The following SYNPR variants were observed in gnomAD, a reference collection of about 807,000 sequenced individuals.
SYNPR encodes the protein synaptoporin.
In SYNPR, 23 loss-of-function variants were observed where a neutral mutation model predicts 32.9. The ratio of observed to expected loss-of-function variants is 0.70; its 90% CI spans 0.50 to 0.99. The LOEUF is 0.99. Ranked by LOEUF, SYNPR falls within the 50% of genes least tolerant of loss-of-function variation. SYNPR has a pLI of 0.00. For missense variants in SYNPR, 318 were observed against 349.3 expected, an observed-to-expected ratio of 0.91 and a Z score of 0.71; for synonymous variants, 146 against 135.9, an observed-to-expected ratio of 1.07 and a Z score of -0.52.
intron 4 of SYNPR, among the ~76,000 whole-genome samples, chr3:63,605,186 G>C (rs930550014): frequency 1.3e-5 from 2 of 152,200 alleles, no homozygotes; most frequent in East Asian, 3.9e-4. Context: ...AGGGGATAGA[G>C]AGAAAGGTGT....
chr3:63,341,012 A>G (rs1164320519), intron 2 of SYNPR, among the ~76,000 whole-genome samples: 1 of 152,104 alleles, frequency 6.6e-6, no homozygotes, highest in Non-Finnish European at 1.5e-5. Context: ...CCCCCTAAAA[A>G]TCCTCTATGC....
At chr3:63,595,749 AT>A (rs60861957) in intron 4 of SYNPR, among the ~76,000 whole-genome samples, 3,346 of 44,328 alleles carry the variant, frequency 0.075, 293 homozygotes, top group African/African-American at 0.13. Context: ...ATATATATAT[AT>A]ATATATATAT....
At chr3:63,253,662 A>C (rs2086356856) in intron 2 of SYNPR, among the ~76,000 whole-genome samples, 1 of 152,284 alleles carries the variant, frequency 6.6e-6, no homozygotes, top group Admixed American at 6.5e-5. Flanking sequence ...AAAAGTCAGG[A>C]AACTACAGGT....
intron 2 of SYNPR, among the ~76,000 whole-genome samples, chr3:63,473,448 C>T (rs560905288): frequency 1.3e-5 from 2 of 152,198 alleles, no homozygotes; most frequent in East Asian, 3.9e-4. Flanking sequence ...TAGGGAGCAC[C>T]AACTTCATGC....
At chr3:63,242,994 A>G (rs552487235) in intron 1 of SYNPR, among the ~76,000 whole-genome samples, 2 of 152,194 alleles carry the variant, frequency 1.3e-5, no homozygotes, top group African/African-American at 4.8e-5. Flanking sequence ...GGAAAAATGT[A>G]CATATTAGAA....
At chr3:63,355,711 C>CA (rs935937344) in intron 2 of SYNPR, among the ~76,000 whole-genome samples, 6 of 152,110 alleles carry the variant, frequency 3.9e-5, no homozygotes, top group Non-Finnish European at 7.4e-5. Context: ...CTGGCCCCCC[C>CA]AGCCAGTGCT....
intron 3 of SYNPR, among the ~76,000 whole-genome samples, chr3:63,514,967 G>A (rs1467554022): frequency 1.3e-5 from 2 of 152,084 alleles, no homozygotes; most frequent in East Asian, 1.9e-4. Context: ...CAGTAATCCT[G>A]AGTGGCAGGC....
intron 2 of SYNPR, 28 bp downstream of exon 2, chr3:63,278,770 G>A (rs1249087012): frequency 6.4e-7 from 1 of 1,550,662 alleles, no homozygotes; most frequent in South Asian, 1.2e-5. Context: ...TGCAGGGAGG[G>A]GCGCCAGGCA....
At chr3:63,544,708 T>C (rs1380385555) in intron 3 of SYNPR, among the ~76,000 whole-genome samples, 1 of 152,120 alleles carries the variant, frequency 6.6e-6, no homozygotes, top group African/African-American at 2.4e-5. Context: ...AAAATCTACT[T>C]TCTAAAAGAG....
At chr3:63,526,381 C>T (rs1702013892) in intron 3 of SYNPR, among the ~76,000 whole-genome samples, 2 of 152,190 alleles carry the variant, frequency 1.3e-5, no homozygotes, top group South Asian at 4.1e-4. Context: ...CACCTGTTCA[C>T]TTTGTTTTCC....
At chr3:63,486,141 T>A (rs1030476920) in intron 3 of SYNPR, among the ~76,000 whole-genome samples, 4 of 152,150 alleles carry the variant, frequency 2.6e-5, no homozygotes, top group African/African-American at 4.8e-5. Context: ...ACTCCTGACC[T>A]CAAGTGATCC....
intron 4 of SYNPR, among the ~76,000 whole-genome samples, chr3:63,561,952 C>T (rs757027913): frequency 6.6e-6 from 1 of 152,058 alleles, no homozygotes; most frequent in Non-Finnish European, 1.5e-5. Context: ...TTAGAAGTAA[C>T]ACAATTGTTA....
At chr3:63,431,396 G>A (rs1231115763) in intron 2 of SYNPR, among the ~76,000 whole-genome samples, 2 of 152,172 alleles carry the variant, frequency 1.3e-5, no homozygotes, top group African/African-American at 4.8e-5. Flanking sequence ...TCATTATTTA[G>A]ATTAGGTCTG....
intron 2 of SYNPR, among the ~76,000 whole-genome samples, chr3:63,351,004 C>T (rs1478025659): frequency 6.6e-6 from 1 of 152,188 alleles, no homozygotes; most frequent in Non-Finnish European, 1.5e-5. Context: ...ACTCTCTTGA[C>T]TGTGTGCCCC....
At chr3:63,383,061 G>A (rs1471391099) in intron 2 of SYNPR, among the ~76,000 whole-genome samples, 1 of 152,166 alleles carries the variant, frequency 6.6e-6, no homozygotes, top group Non-Finnish European at 1.5e-5. Context: ...TTCACACTAG[G>A]AGATGCGAAA....
intron 4 of SYNPR, among the ~76,000 whole-genome samples, chr3:63,592,163 T>C (rs966807944): frequency 3.6e-4 from 55 of 152,036 alleles, no homozygotes; most frequent in African/African-American, 1.3e-3. Flanking sequence ...AACCAAGCCA[T>C]GCCAAGGACT....
At chr3:63,243,424 C>T (rs866313750) in intron 1 of SYNPR, among the ~76,000 whole-genome samples, 2 of 152,002 alleles carry the variant, frequency 1.3e-5, no homozygotes, top group South Asian at 4.1e-4. Context: ...GTGGACAAGA[C>T]ATTATTGTAA....
At chr3:63,429,145 T>C (rs990776346) in intron 2 of SYNPR, among the ~76,000 whole-genome samples, 1 of 152,250 alleles carries the variant, frequency 6.6e-6, no homozygotes, top group Non-Finnish European at 1.5e-5. Context: ...GTGGTTATAA[T>C]CCTGCCGGTG....
At chr3:63,524,824 AGT>A (rs138062730) in intron 3 of SYNPR, among the ~76,000 whole-genome samples, 6,806 of 128,972 alleles carry the variant, frequency 0.053, 192 homozygotes, top group Middle Eastern at 0.088. Context: ...TCATAATAGA[AGT>A]GTGTGTGTGT....
Sources: gnomAD v4.1 joint callset for allele counts (sites outside exome capture counted in the v4.1 genomes callset) on GRCh38, gnomAD v4.1.1 for gene constraint, MANE v1.5 for transcripts, NCBI Gene and HGNC (gene_info 2026-07-23, HGNC 2026-07-21) for gene names.